Variants in DACH2 observed in about 807,000 individuals in gnomAD.
DACH2 encodes dachshund homolog 2.
Under a neutral mutation model 35.8 loss-of-function variants are expected in DACH2, and 17 were observed. The observed-to-expected ratio is 0.48, with a 90% CI of 0.33 to 0.71. The LOEUF (loss-of-function observed/expected upper bound fraction) is 0.71, where lower values mean the gene tolerates loss of function less well. DACH2 is among the 30% of genes least tolerant of loss of function. The probability of loss-of-function intolerance (pLI) is 0.02; values close to 1 mark genes in which losing one functional copy is unlikely to be tolerated. For synonymous variants in DACH2, 195 were observed against 177.3 expected, an observed-to-expected ratio of 1.10 and a Z score of -0.79; for missense variants, 469 against 472.7, an observed-to-expected ratio of 0.99 and a Z score of 0.07.
In DACH2 at chrX:86,695,090, G is replaced by T. The variant is rs775064284; in HGVS notation, c.842G>T (p.Gly281Val). 8.6e-7 allele frequency: 1 copy of T among 1,156,975 alleles called. No individual in the cohort carries two copies. Residue 281 changes from glycine to valine, a missense_variant, in exon 5 of 12, where the codon GGA becomes GTA. Physicochemically the swap from Gly to Val is moderately radical, Grantham distance 109. This residue lies in a region of DACH2 where 363 missense variants were observed against 334.4 expected (regional missense o/e 1.09). Coordinates refer to ENST00000373125, the MANE Select transcript of DACH2 (RefSeq NM_053281.3). Reference protein sequence around the residue: ...SPFAAPGPQHGIAHAALAGQP... With the variant: ...SPFAAPGPQHVIAHAALAGQP... ...TTTGCTGCACCTGGACCCCAACATG[G>T]AATTGCTCATGCAGCCCTAGCTGGC...
rs1720593409 is a variant in DACH2, at chrX:86,335,310, G to A, written c.489-41514G>A. Among the ~76,000 whole-genome samples, 3 of 111,505 alleles carry A rather than the reference G, an allele frequency of 2.7e-5. No individual in the cohort carries two copies. The Admixed American group carries it at 2.9e-4, about 11-fold the overall frequency. On this transcript the variant is annotated intron_variant, in intron 1 of 11. Coordinates refer to ENST00000373125, the MANE Select transcript of DACH2 (RefSeq NM_053281.3). Reference sequence around the variant, plus strand: ...TGAAGAAACTCAATGGTAGCTTGATGGGAATAACATTGAATCTATAAATTA... The same window carrying A: ...TGAAGAAACTCAATGGTAGCTTGATAGGAATAACATTGAATCTATAAATTA...
intron 1 of DACH2, among the ~76,000 whole-genome samples, chrX:86,280,718 G>A (rs1371582532): frequency 3.6e-5 from 4 of 111,748 alleles, no homozygotes; most frequent in South Asian, 7.4e-4. Flanking sequence ...TCAAACATGC[G>A]AAGACACACA....
chrX:86,651,243 T>C, intron 4 of DACH2, 76 bp downstream of exon 4: 3 of 1,035,180 alleles, frequency 2.9e-6, no homozygotes, highest in Non-Finnish European at 3.9e-6. Flanking sequence ...GGGATGAGGA[T>C]GGAGGAGAGA....
At chrX:86,261,519 G>T (rs2033624790) in intron 1 of DACH2, among the ~76,000 whole-genome samples, 1 of 111,285 alleles carries the variant, frequency 9.0e-6, no homozygotes, top group African/African-American at 3.3e-5. Context: ...AGTGAGGCAG[G>T]GATAAAGGCT....
chrX:86,309,116 A>G lies in DACH2; in HGVS notation c.489-67708A>G, dbSNP rs765651532. Among the ~76,000 whole-genome samples the G allele has an allele frequency of 2.7e-5, 3 of 112,155 alleles. No individual in the cohort carries two copies. The South Asian group carries it at 1.1e-3, about 42-fold the overall frequency. On this transcript the variant is annotated intron_variant, in intron 1 of 11. Transcript: ENST00000373125. ...AAAACAATATCACATCCCTGGAGGG[A>G]TTGCAGAGATTAGTGCCACCATTAA...
At chrX:86,730,647 T>A (rs1602864267) in intron 6 of DACH2, among the ~76,000 whole-genome samples, 1 of 111,867 alleles carries the variant, frequency 8.9e-6, no homozygotes, top group Non-Finnish European at 1.9e-5. Flanking sequence ...ATGATTTAAA[T>A]GGGAGAGACA....
chrX:86,278,830 G>A (rs367675058), intron 1 of DACH2, among the ~76,000 whole-genome samples: 4 of 111,502 alleles, frequency 3.6e-5, no homozygotes, highest in East Asian at 2.9e-4. Context: ...GTCTGAAATC[G>A]ACCTGGGATG....
At chrX:86,254,626 T>C (rs1441538303) in intron 1 of DACH2, among the ~76,000 whole-genome samples, 1 of 97,627 alleles carries the variant, frequency 1.0e-5, no homozygotes, top group Non-Finnish European at 2.0e-5. Context: ...TCACTATTTC[T>C]GCAGTGCTCT....
chrX:86,472,326 G>T (rs1870054159), intron 2 of DACH2, among the ~76,000 whole-genome samples: 1 of 111,640 alleles, frequency 9.0e-6, no homozygotes, highest in African/African-American at 3.3e-5. Flanking sequence ...AAGAAGGACT[G>T]TGAAGCAAGG....
chrX:86,280,173 G>T (rs2033997014), intron 1 of DACH2, among the ~76,000 whole-genome samples: 1 of 111,385 alleles, frequency 9.0e-6, no homozygotes, highest in Admixed American at 9.6e-5. Context: ...AGGTTGAAGT[G>T]AAGGAAGAAA....
chrX:86,521,151 A>G (rs1318668486), intron 3 of DACH2, among the ~76,000 whole-genome samples: 1 of 111,501 alleles, frequency 9.0e-6, no homozygotes, highest in Non-Finnish European at 1.9e-5. Context: ...TTTCTCCTTC[A>G]CTTAGGAAGC....
chrX:86,201,653 A>G (rs1371181608), intron 1 of DACH2, among the ~76,000 whole-genome samples: 1 of 111,518 alleles, frequency 9.0e-6, no homozygotes. Flanking sequence ...ATGAAAAAAT[A>G]TAGACCAGTA....
chrX:86,800,648 G>T (rs1360353479), intron 7 of DACH2, among the ~76,000 whole-genome samples: 1 of 111,291 alleles, frequency 9.0e-6, no homozygotes, highest in East Asian at 2.8e-4. Flanking sequence ...AGAAGCAACA[G>T]CTTTTTTTGT....
At chrX:86,406,319 A>G (rs2036527631) in intron 2 of DACH2, among the ~76,000 whole-genome samples, 1 of 111,776 alleles carries the variant, frequency 8.9e-6, no homozygotes, top group Non-Finnish European at 1.9e-5. Context: ...ATTTTCACTT[A>G]TAAATGGGAG....
At chrX:86,510,530 T>A (rs2038382022) in intron 2 of DACH2, among the ~76,000 whole-genome samples, 1 of 112,058 alleles carries the variant, frequency 8.9e-6, no homozygotes, top group African/African-American at 3.2e-5. Flanking sequence ...ATTTCATTTC[T>A]TCTAAAGAAG....
At chrX:86,680,902 C>T (rs779231374) in intron 4 of DACH2, among the ~76,000 whole-genome samples, 1 of 110,786 alleles carries the variant, frequency 9.0e-6, no homozygotes, top group Non-Finnish European at 1.9e-5. Context: ...AATCCTCCTG[C>T]CTCAGCCTCC....
At chrX:86,796,595 T>C (rs2092318026) in intron 7 of DACH2, among the ~76,000 whole-genome samples, 1 of 112,441 alleles carries the variant, frequency 8.9e-6, no homozygotes, top group African/African-American at 3.2e-5. Flanking sequence ...GATATTAGTA[T>C]TGAAAGATCT....
chrX:86,815,971 T>A, intron 10 of DACH2, 63 bp from the exon 11 acceptor site: 1 of 948,427 alleles, frequency 1.1e-6, no homozygotes, highest in African/African-American at 2.0e-5. Context: ...ACTGGAGTTT[T>A]CCCTTTAAAT....
At chrX:86,273,516 C>T (rs1317505281) in intron 1 of DACH2, among the ~76,000 whole-genome samples, 1 of 111,987 alleles carries the variant, frequency 8.9e-6, no homozygotes, top group Non-Finnish European at 1.9e-5. Context: ...AACAAGAATG[C>T]GGACTATGAC....
Sources: allele counts gnomAD v4.1 joint callset (sites outside exome capture counted in the v4.1 genomes callset), GRCh38; gene constraint gnomAD v4.1.1; regional missense constraint gnomAD v4.1.1; transcripts MANE v1.5; gene names NCBI Gene and HGNC (gene_info 2026-07-23, HGNC 2026-07-21).